The following MAP6 variants were observed in gnomAD, a reference collection of about 807,000 sequenced individuals.
MAP6 encodes the protein microtubule associated protein 6, also known as microtubule-associated protein 6.
A neutral mutation model predicts 42.4 loss-of-function variants in MAP6; 26 were observed. The observed-to-expected ratio is 0.61, with a 90% CI of 0.45 to 0.85. The LOEUF (loss-of-function observed/expected upper bound fraction) is 0.85. Ranked by LOEUF, MAP6 falls within the 40% of genes least tolerant of loss-of-function variation. The pLI, the probability that MAP6 is intolerant of heterozygous loss-of-function variation, is 0.00. For missense variants in MAP6, 966 were observed against 1,099.0 expected, an observed-to-expected ratio of 0.88 and a Z score of 1.71; for synonymous variants, 418 against 443.8, an observed-to-expected ratio of 0.94 and a Z score of 0.73.
chr11:75,616,710 G>A (rs1431929867), intron 1 of MAP6, among the ~76,000 whole-genome samples: 1 of 152,236 alleles, frequency 6.6e-6, no homozygotes, highest in Non-Finnish European at 1.5e-5. Context: ...TGACTGGGCC[G>A]AGAGAGGAGC....
At chr11:75,621,044 T>G (rs1409730240) in intron 1 of MAP6, among the ~76,000 whole-genome samples, 2 of 151,082 alleles carry the variant, frequency 1.3e-5, no homozygotes, top group Non-Finnish European at 2.9e-5. Context: ...GGCAGGAGAA[T>G]GGCGTGAACC....
intron 1 of MAP6, among the ~76,000 whole-genome samples, chr11:75,639,119 G>A (rs1469184722): frequency 3.3e-5 from 5 of 152,146 alleles, no homozygotes; most frequent in Non-Finnish European, 7.4e-5. Flanking sequence ...CACAGAGAGT[G>A]GAATAACAAC....
chr11:75,666,592 T>C (rs1047030076), intron 1 of MAP6, among the ~76,000 whole-genome samples: 1 of 152,166 alleles, frequency 6.6e-6, no homozygotes, highest in Non-Finnish European at 1.5e-5. Flanking sequence ...AAGGTAGGAA[T>C]GGAACCAAGA....
At chr11:75,596,859 A>G (rs976940956) in intron 3 of MAP6, among the ~76,000 whole-genome samples, 1 of 152,158 alleles carries the variant, frequency 6.6e-6, no homozygotes, top group African/African-American at 2.4e-5. Context: ...GAGAGTATGG[A>G]GAGTCATTGA....
rs948996870 is a variant in MAP6 at position 75,587,646 on chromosome 11, G to A, written c.1855C>T (p.Pro619Ser). The A allele has an allele frequency of 6.2e-7, 1 of 1,613,860 alleles. No homozygotes were observed. Among genetic ancestry groups the A allele is most frequent in the Non-Finnish European group, 8.5e-7 (1 of 1,179,986 alleles). ...TCCTTGACAGGTGCTGGGACTATGGGACCTTCACCCTTGACAGGTGCTGGG... is the reference window on the plus strand; with the variant it reads ...TCCTTGACAGGTGCTGGGACTATGGAACCTTCACCCTTGACAGGTGCTGGG... ...IVPAPVKGEG[P>S]IVPAPVKDEG... is the part of the protein sequence containing the mutation. Residue 619 changes from proline to serine, a missense_variant, in exon 4 of 4, where the codon CCC (proline) becomes TCC (serine). Pro to Ser is a moderately conservative substitution (Grantham distance 74). Around this residue, in one of 2 missense-constraint regions of MAP6, gnomAD observed 943 missense variants for 1,049.9 expected, o/e 0.90. Coordinates refer to ENST00000304771, the MANE Select transcript of MAP6 (RefSeq NM_033063.2).
chr11:75,597,940 G>T (rs761970490), intron 3 of MAP6, among the ~76,000 whole-genome samples: 1 of 152,190 alleles, frequency 6.6e-6, no homozygotes, highest in African/African-American at 2.4e-5. Context: ...GGAAGCTGTG[G>T]TCAGCAAAAC....
Position 75,587,940 on chromosome 11 carries a change from C to T in MAP6, c.1561G>A (p.Val521Ile). Reference protein sequence around the residue: ...VPEPLKNESPVISAPVKDQGP... With the variant: ...VPEPLKNESPIISAPVKDQGP... ...TGGTCCTTGACTGGTGCTGAGATAA[C>T]AGGGCTTTCATTCTTTAAAGGCTCA... The change falls in exon 4 of 4, where the codon GTT becomes ATT. Residue 521 changes from valine to isoleucine, a missense_variant. Val to Ile is a conservative substitution (Grantham distance 29). Transcript: ENST00000304771. 6.2e-7 allele frequency: 1 copy of T among 1,614,024 alleles called. No individual in the cohort carries two copies.
At chr11:75,632,016 G>A (rs573602456) in intron 1 of MAP6, among the ~76,000 whole-genome samples, 4 of 152,272 alleles carry the variant, frequency 2.6e-5, no homozygotes, top group South Asian at 2.1e-4. Context: ...TTTAATCAAC[G>A]GAGAGTGTAA....
intron 1 of MAP6, among the ~76,000 whole-genome samples, chr11:75,616,111 C>T (rs1402676793): frequency 6.6e-6 from 1 of 152,220 alleles, no homozygotes; most frequent in Non-Finnish European, 1.5e-5. Context: ...CTGTGAAGAA[C>T]ATCTGCATAT....
intron 1 of MAP6, among the ~76,000 whole-genome samples, chr11:75,628,164 G>A (rs759982984): frequency 3.5e-4 from 53 of 152,304 alleles, no homozygotes; most frequent in Admixed American, 1.8e-3. Context: ...TCTGTTTGCT[G>A]GAGCAAAGAA....
At chr11:75,596,021 A>G (rs1004348390) in intron 3 of MAP6, 1 of 152,238 alleles carries the variant, frequency 6.6e-6, no homozygotes, top group African/African-American at 2.4e-5. Context: ...TACAAGATCA[A>G]ATTCTAACAA....
At chr11:75,663,963 T>C (rs1477918424) in intron 1 of MAP6, among the ~76,000 whole-genome samples, 1 of 152,232 alleles carries the variant, frequency 6.6e-6, no homozygotes, top group East Asian at 1.9e-4. Flanking sequence ...CTAGGAAAAG[T>C]TTCTCATTAG....
At position 75,605,959 on chromosome 11, in the gene MAP6, C is replaced by T. The variant is rs150031733; in HGVS notation, c.1165G>A (p.Ala389Thr). ...GCCTTCCTCGTGGGCTTATGGCTCGCTGAGGTCTTTTTTGGTTTGGAACTC... is the reference window on the plus strand; with the variant it reads ...GCCTTCCTCGTGGGCTTATGGCTCGTTGAGGTCTTTTTTGGTTTGGAACTC... Reference protein sequence around the residue: ...VQSSKPKKTSASHKPTRKAKD... With the variant: ...VQSSKPKKTSTSHKPTRKAKD... The change falls in exon 3 of 4, where the codon GCG becomes ACG. Residue 389 changes from alanine (A) to threonine (T), a missense_variant. Physicochemically the swap from Ala to Thr is moderately conservative, Grantham distance 58. Transcript: ENST00000304771. 1.9e-6 allele frequency: 3 copies of T among 1,613,900 alleles called. No homozygotes were observed. The African/African-American group carries it at 4.0e-5, about 22-fold the overall frequency.
intron 3 of MAP6, among the ~76,000 whole-genome samples, chr11:75,589,355 T>C (rs1467715606): frequency 6.6e-6 from 1 of 152,116 alleles, no homozygotes; most frequent in Non-Finnish European, 1.5e-5. Context: ...AGCCCTCTGG[T>C]TTAGAGTGCA....
At position 75,587,271 on chromosome 11, in the gene MAP6, C is replaced by T; in HGVS notation, c.2230G>A (p.Glu744Lys). The T allele has an allele frequency of 1.2e-6, 2 of 1,614,150 alleles. No homozygotes were observed. Among genetic ancestry groups the T allele is most frequent in the South Asian group, 1.1e-5 (1 of 91,076 alleles). ...PPKNQGRIVP[E>K]PLKNQVPIVP... ...ATAGGAACTTGATTCTTCAGAGGTT[C>T]AGGGACTATACGACCTTGATTCTTT... is the stretch of plus-strand genomic sequence containing the variant. The change falls in exon 4 of 4, where the codon GAA becomes AAA. Residue 744 changes from glutamate to lysine, a missense_variant. Around this residue, in one of 2 missense-constraint regions of MAP6, gnomAD observed 943 missense variants for 1,049.9 expected, o/e 0.90. Transcript: ENST00000304771.
In MAP6 at chr11:75,668,169, T is replaced by C; in HGVS notation, c.201A>G (p.Ile67Met). The change falls in exon 1 of 4, where the codon ATA becomes ATG. Residue 67 changes from isoleucine (I) to methionine (M), a missense_variant. Physicochemically the swap from Ile to Met is conservative, Grantham distance 10 (BLOSUM62 1). Around this residue, in one of 2 missense-constraint regions of MAP6, gnomAD observed 943 missense variants for 1,049.9 expected, o/e 0.90. Transcript: ENST00000304771. ...LAPPSARAVA[I>M]ETQPAQGELD... Reference sequence around the variant, plus strand: ...ACTCGCCCTGGGCTGGCTGCGTCTCTATGGCAACCGCGCGCGCCGAGGGGG... The same window carrying C: ...ACTCGCCCTGGGCTGGCTGCGTCTCCATGGCAACCGCGCGCGCCGAGGGGG... 1.6e-6 allele frequency: 2 copies of C among 1,225,956 alleles called. No homozygotes were observed. Among genetic ancestry groups the C allele is most frequent in the East Asian group, 7.1e-5 (2 of 28,162 alleles). The allele number at this position is 1,225,956 out of a possible 1,614,324, so 75.9% of individuals were successfully genotyped here. A position where few individuals can be genotyped will look rare whatever the true frequency, so the allele number is the denominator to read the frequency against.
At position 75,587,198 on chromosome 11, in the gene MAP6, G is replaced by A. The variant is rs1219052556; in HGVS notation, c.2303C>T (p.Ala768Val). The change falls in exon 4 of 4, where the codon GCA becomes GTA. Residue 768 changes from alanine (A) to valine (V), a missense_variant. Coordinates refer to ENST00000304771, the MANE Select transcript of MAP6 (RefSeq NM_033063.2). ...AGGGACTGCAGGACCTTGGTCCTTT[G>A]CTGGTACTGGCACCAGAGGATCTTG... ...KDQDPLVPVP[A>V]KDQGPAVPEP... The A allele has an allele frequency of 6.2e-7, 1 of 1,614,064 alleles. No individual in the cohort carries two copies. The highest frequency in any genetic ancestry group is 2.2e-5 in the East Asian group (1 of 44,874).
Position 75,668,100 on chromosome 11 carries a change from G to C in MAP6, c.270C>G (p.Thr90=). 5 of 1,206,594 alleles carry C rather than the reference G, an allele frequency of 4.1e-6. No homozygotes were observed. In the Admixed American group the frequency reaches 1.8e-4, roughly 43 times the overall value. The allele number at this position is 1,206,594 out of a possible 1,614,324, so 74.7% of individuals were successfully genotyped here. Reference sequence around the variant, plus strand: ...GGCCCGCCGCCGGCTCGCGCTCGCCGGTAGGCCCAGGCGCTGGCCCCGTTG... The same window carrying C: ...GGCCCGCCGCCGGCTCGCGCTCGCCCGTAGGCCCAGGCGCTGGCCCCGTTG... ...ARATGPAPGP[T]GEREPAAGPG... Residue 90 remains threonine (T), a synonymous_variant, in exon 1 of 4, where the codon ACC becomes ACG. Coordinates refer to ENST00000304771, the MANE Select transcript of MAP6 (RefSeq NM_033063.2).
intron 1 of MAP6, among the ~76,000 whole-genome samples, chr11:75,655,265 A>G (rs947392755): frequency 6.6e-6 from 1 of 152,246 alleles, no homozygotes; most frequent in Admixed American, 6.5e-5. Context: ...CTTTTATAGT[A>G]TAAGCCTCTT....
Sources: allele counts gnomAD v4.1 joint callset (sites outside exome capture counted in the v4.1 genomes callset), GRCh38; gene constraint gnomAD v4.1.1; regional missense constraint gnomAD v4.1.1; transcripts MANE v1.5; gene names NCBI Gene and HGNC (gene_info 2026-07-23, HGNC 2026-07-21).